Variants in DOP1A observed in about 807,000 individuals in gnomAD.
DOP1A encodes DOP1 leucine zipper like protein A, also known as protein DOP1A.
DOP1A carries 90 observed loss-of-function variants against 267.6 expected under a neutral mutation model. The ratio of observed to expected loss-of-function variants is 0.34; its 90% CI spans 0.28 to 0.40. DOP1A has a LOEUF of 0.40. Ranked by LOEUF, DOP1A falls within the 10% of genes least tolerant of loss-of-function variation. The pLI is 1.00. For synonymous variants in DOP1A, 932 were observed against 999.1 expected, an observed-to-expected ratio of 0.93 and a Z score of 1.27; for missense variants, 2,437 against 2,900.4, an observed-to-expected ratio of 0.84 and a Z score of 3.67.
chr6:83,100,998 A>T (rs570158485), intron 4 of DOP1A, 112 bp downstream of exon 4: 10 of 609,996 alleles, frequency 1.6e-5, no homozygotes, highest in Non-Finnish European at 1.9e-5. Context: ...TAGTGATTAG[A>T]AGTTTTCAGA....
chr6:83,090,893 G>A (rs1283618774), intron 1 of DOP1A, among the ~76,000 whole-genome samples: 1 of 152,092 alleles, frequency 6.6e-6, no homozygotes, highest in Non-Finnish European at 1.5e-5. Context: ...TAAAGTCATT[G>A]TGGAATTACA....
At chr6:83,095,712 T>C (rs1771352034) in intron 1 of DOP1A, among the ~76,000 whole-genome samples, 1 of 152,220 alleles carries the variant, frequency 6.6e-6, no homozygotes, top group Admixed American at 6.5e-5. Context: ...TTTGAGAGAC[T>C]TAGCTCATGT....
In DOP1A at chr6:83,167,913, C is replaced by T; in HGVS notation, c.7144C>T (p.His2382Tyr). Reference protein sequence around the residue: ...SGRTLGWEPGHLLLTICTVRS... With the variant: ...SGRTLGWEPGYLLLTICTVRS... ...GAGAACATTGGGTTGGGAGCCAGGG[C>T]ACTTGCTGCTCACCATCTGCACCGT... The change falls in exon 39 of 39, where the codon CAC becomes TAC. Residue 2382 changes from histidine to tyrosine, a missense_variant. His to Tyr is a moderately conservative substitution (Grantham distance 83). Transcript: ENST00000349129. The T allele has an allele frequency of 6.2e-7, 1 of 1,613,748 alleles. No individual in the cohort carries two copies.
Position 83,068,886 on chromosome 6 carries a change from A to G in DOP1A, c.-147+1107A>G, listed in dbSNP as rs539186873. On this transcript the variant is annotated intron_variant, in intron 1 of 38. Transcript: ENST00000349129. ...TTCGGCCACAACTGATAACTAAATC[A>G]TTCTCTGTAATTGTTAAGCAGTAGC... Among the ~76,000 whole-genome samples, 17 of 152,334 alleles carry G rather than the reference A, an allele frequency of 1.1e-4. 1 individual carries two copies. The South Asian group carries it at 3.5e-3, about 32-fold the overall frequency.
In DOP1A at chr6:83,139,181, CTT is replaced by C. The variant is rs774852240; in HGVS notation, c.5120+21_5120+22del. Reference sequence around the variant, plus strand: ...ATAGTAGGTAAGAGGTGATTTTTAACTTTATTGGTACTGACATTTTTCACATA... The same window carrying C: ...ATAGTAGGTAAGAGGTGATTTTTAACTATTGGTACTGACATTTTTCACATA... On this transcript the variant is annotated intron_variant, in intron 21 of 38. Transcript: ENST00000349129. 10 of 1,572,242 alleles carry C rather than the reference CTT, an allele frequency of 6.4e-6. No individual in the cohort carries two copies. The South Asian group carries it at 1.0e-4, about 16-fold the overall frequency.
intron 1 of DOP1A, among the ~76,000 whole-genome samples, chr6:83,081,833 A>G (rs1045841385): frequency 1.3e-5 from 2 of 152,210 alleles, no homozygotes; most frequent in African/African-American, 2.4e-5. Flanking sequence ...AAGGAACTCA[A>G]TAGCAAGTAA....
chr6:83,085,769 T>C (rs1180685694), intron 1 of DOP1A, among the ~76,000 whole-genome samples: 1 of 148,928 alleles, frequency 6.7e-6, no homozygotes, highest in African/African-American at 2.5e-5. Context: ...GATGGGTTTT[T>C]TGCGGTATTT....
At chr6:83,070,679 A>G (rs1477378310) in intron 1 of DOP1A, among the ~76,000 whole-genome samples, 2 of 151,224 alleles carry the variant, frequency 1.3e-5, no homozygotes, top group Non-Finnish European at 2.9e-5. Context: ...TTTTTTGATT[A>G]CCTCATTTTG....
intron 6 of DOP1A, among the ~76,000 whole-genome samples, chr6:83,112,446 T>C (rs1478483292): frequency 6.6e-6 from 1 of 152,030 alleles, no homozygotes; most frequent in Non-Finnish European, 1.5e-5. Flanking sequence ...TATAAAGTGA[T>C]AGAAACCTAA....
chr6:83,119,054 T>C, intron 8 of DOP1A, 67 bp downstream of exon 8: 1 of 1,382,178 alleles, frequency 7.2e-7, no homozygotes. Flanking sequence ...TGTATAAGTA[T>C]TACCAAGTTG....
At chr6:83,125,903 A>G (rs930588027) in intron 15 of DOP1A, among the ~76,000 whole-genome samples, 170 bp downstream of exon 15, 3 of 151,702 alleles carry the variant, frequency 2.0e-5, no homozygotes, top group Non-Finnish European at 4.4e-5. Flanking sequence ...CAGTTTAATT[A>G]TCTTTATCAG....
intron 3 of DOP1A, among the ~76,000 whole-genome samples, chr6:83,100,265 G>A (rs1213509624): frequency 2.0e-5 from 3 of 152,098 alleles, no homozygotes; most frequent in Non-Finnish European, 4.4e-5. Context: ...CTAGGACAAT[G>A]GTTGTACCTC....
intron 1 of DOP1A, among the ~76,000 whole-genome samples, chr6:83,095,827 T>A (rs1048768972): frequency 6.6e-6 from 1 of 152,134 alleles, no homozygotes; most frequent in Non-Finnish European, 1.5e-5. Flanking sequence ...CTAAGGTGGC[T>A]TACTCACATG....
At chr6:83,125,081 A>T in intron 13 of DOP1A, 85 bp from the exon 14 acceptor site, 2 of 1,229,886 alleles carry the variant, frequency 1.6e-6, no homozygotes, top group East Asian at 2.5e-5. Flanking sequence ...CATTTATATT[A>T]ATATTATTTC....
Position 83,070,605 on chromosome 6 carries a change from C to A in DOP1A, c.-147+2826C>A, listed in dbSNP as rs184037185. Among the ~76,000 whole-genome samples, 137 of 152,314 alleles carry A rather than the reference C, an allele frequency of 9.0e-4. 1 individual carries two copies. Among genetic ancestry groups the A allele is most frequent in the African/African-American group, 3.2e-3 (134 of 41,576 alleles). On this transcript the variant is annotated intron_variant, in intron 1 of 38. Transcript: ENST00000349129. ...TATACTTTTACTCTCTGAGAATGTTCTTCTGTTTCTGAGTGTCTAAATTAT... is the reference window on the plus strand; with the variant it reads ...TATACTTTTACTCTCTGAGAATGTTATTCTGTTTCTGAGTGTCTAAATTAT...
Position 83,142,380 on chromosome 6 carries a change from C to T in DOP1A, c.5541+334C>T, listed in dbSNP as rs894253054. On this transcript the variant is annotated intron_variant, in intron 24 of 38. Coordinates refer to ENST00000349129, the MANE Select transcript of DOP1A (RefSeq NM_015018.4). Reference sequence around the variant, plus strand: ...AAAATTAGCCAGGCATGGTGGCACACGCCTGTAGTCCCAGGTACTCGGGAG... The same window carrying T: ...AAAATTAGCCAGGCATGGTGGCACATGCCTGTAGTCCCAGGTACTCGGGAG... Among the ~76,000 whole-genome samples, 7 of 151,934 alleles carry T rather than the reference C, an allele frequency of 4.6e-5. No individual in the cohort carries two copies. The East Asian group carries it at 7.7e-4, about 17-fold the overall frequency.
rs1293304464 is a variant in DOP1A at position 83,129,388 on chromosome 6, A to G, written c.2221A>G (p.Lys741Glu). The G allele has an allele frequency of 3.7e-6, 6 of 1,611,448 alleles. No homozygotes were observed. In the Admixed American group the frequency reaches 5.1e-5, roughly 14 times the overall value. ...EKNISKQKTS[K>E]EYLSAFLAAC... ...AAACATAAGTAAACAAAAAACTTCT[A>G]AAGAATACCTGTCTGCCTTCCTTGC... Residue 741 changes from lysine (K) to glutamate (E), a missense_variant, in exon 16 of 39, where the codon AAA becomes GAA. This residue lies in a region of DOP1A where 498 missense variants were observed against 513.5 expected (regional missense o/e 0.97). Transcript: ENST00000349129.
chr6:83,169,395 C>T (rs1786587325), downstream of DOP1A: 2 of 1,557,224 alleles, frequency 1.3e-6, no homozygotes, highest in Non-Finnish European at 1.8e-6. Context: ...GACCATGTTA[C>T]TTGGAACTCT....
chr6:83,097,535 C>A (rs1482402636), intron 3 of DOP1A, among the ~76,000 whole-genome samples: 1 of 152,158 alleles, frequency 6.6e-6, no homozygotes, highest in Admixed American at 6.6e-5. Context: ...GAAACATTTT[C>A]TATCCTGGCA....
Sources: gnomAD v4.1 joint callset for allele counts (sites outside exome capture counted in the v4.1 genomes callset) on GRCh38, gnomAD v4.1.1 for gene constraint, gnomAD v4.1.1 regional missense constraint, MANE v1.5 for transcripts, NCBI Gene and HGNC (gene_info 2026-07-23, HGNC 2026-07-21) for gene names.